The following HS2ST1 variants were observed in gnomAD, a reference collection of about 807,000 sequenced individuals.
HS2ST1 encodes 2-O-sulfotransferase.
In HS2ST1, 18 loss-of-function variants were observed where a neutral mutation model predicts 42.9. The ratio of observed to expected loss-of-function variants is 0.42; its 90% confidence interval spans 0.29 to 0.62. HS2ST1 has a LOEUF of 0.62. Among genes scored for constraint, HS2ST1 ranks in the 20% least tolerant of loss-of-function variants. HS2ST1 has a pLI of 0.21. For synonymous variants in HS2ST1, 146 were observed against 152.9 expected, an observed-to-expected ratio of 0.95 and a Z score of 0.33; for missense variants, 334 against 433.8, an observed-to-expected ratio of 0.77 and a Z score of 2.04.
intron 1 of HS2ST1, among the ~76,000 whole-genome samples, chr1:86,985,521 C>T (rs78570973): frequency 4.2e-5 from 3 of 71,350 alleles, no homozygotes; most frequent in African/African-American, 1.3e-4. Flanking sequence ...TATATATACA[C>T]ATATATATAC....
chr1:87,048,683 G>A (rs1650757693), intron 1 of HS2ST1, among the ~76,000 whole-genome samples: 1 of 131,286 alleles, frequency 7.6e-6, no homozygotes, highest in African/African-American at 2.5e-5. Context: ...GTCCCAGTTT[G>A]CTGAGATTTT....
At chr1:87,034,675 A>G (rs1257900225) in intron 1 of HS2ST1, among the ~76,000 whole-genome samples, 1 of 152,192 alleles carries the variant, frequency 6.6e-6, no homozygotes, top group Non-Finnish European at 1.5e-5. Context: ...TGTAAAGTAT[A>G]TGTACGAAGC....
At chr1:86,928,101 C>CT (rs1465740041) in intron 1 of HS2ST1, among the ~76,000 whole-genome samples, 1 of 152,010 alleles carries the variant, frequency 6.6e-6, no homozygotes, top group African/African-American at 2.4e-5. Flanking sequence ...TAAAATCTTG[C>CT]TGCAAACCTG....
chr1:86,944,581 C>G (rs1042684106), intron 1 of HS2ST1, among the ~76,000 whole-genome samples: 2 of 152,122 alleles, frequency 1.3e-5, no homozygotes, highest in African/African-American at 4.8e-5. Flanking sequence ...TCTCGAACTC[C>G]TGACCTCAAG....
At chr1:86,958,769 G>A (rs948217066) in intron 1 of HS2ST1, among the ~76,000 whole-genome samples, 5 of 152,088 alleles carry the variant, frequency 3.3e-5, no homozygotes, top group African/African-American at 1.2e-4. Context: ...TAATACCGAA[G>A]ACCATACAAG....
At chr1:87,015,468 C>CT (rs1649726671) in intron 1 of HS2ST1, among the ~76,000 whole-genome samples, 1 of 151,892 alleles carries the variant, frequency 6.6e-6, no homozygotes, top group Non-Finnish European at 1.5e-5. Flanking sequence ...CTGCCTCAGC[C>CT]TCCTAGTAGC....
chr1:87,041,193 A>G (rs1039940937), intron 1 of HS2ST1, among the ~76,000 whole-genome samples: 1 of 149,178 alleles, frequency 6.7e-6, no homozygotes, highest in African/African-American at 2.5e-5. Context: ...AAGCAATACA[A>G]TCTGGGAAAA....
At chr1:86,961,370 A>AATATTGTTTGAATAAGAAT (rs557969249) in intron 1 of HS2ST1, among the ~76,000 whole-genome samples, 9 of 152,190 alleles carry the variant, frequency 5.9e-5, no homozygotes, top group Non-Finnish European at 1.3e-4. Flanking sequence ...TATATTGTTT[A>AATATTGTTTGAATAAGAAT]ATATTGTTTG....
intron 1 of HS2ST1, among the ~76,000 whole-genome samples, chr1:86,966,525 T>C (rs1369701341): frequency 6.6e-6 from 1 of 152,258 alleles, no homozygotes; most frequent in East Asian, 1.9e-4. Context: ...TATTATTTCT[T>C]AGTTGGATTA....
chr1:86,973,066 T>C (rs1054227625), intron 1 of HS2ST1, among the ~76,000 whole-genome samples: 2 of 152,210 alleles, frequency 1.3e-5, no homozygotes, highest in African/African-American at 4.8e-5. Context: ...CTTGATCACT[T>C]GTTAAGGTGG....
intron 1 of HS2ST1, among the ~76,000 whole-genome samples, chr1:86,976,530 TA>T (rs140685170): frequency 0.014 from 2,152 of 151,874 alleles, 33 homozygotes; most frequent in Middle Eastern, 0.031. Context: ...ACAGGCAAGA[TA>T]AAGCTAAAAC....
chr1:86,984,621 G>A (rs1022403890), intron 1 of HS2ST1, among the ~76,000 whole-genome samples: 3 of 151,964 alleles, frequency 2.0e-5, no homozygotes, highest in African/African-American at 4.8e-5. Context: ...GCAGTGGTTC[G>A]CGCCTGTAAT....
At chr1:86,948,229 A>G (rs1557489892) in intron 1 of HS2ST1, among the ~76,000 whole-genome samples, 1 of 152,212 alleles carries the variant, frequency 6.6e-6, no homozygotes, top group Admixed American at 6.5e-5. Flanking sequence ...TATAAGAAGT[A>G]TATTTTTTGA....
chr1:86,950,548 A>T (rs1199725), intron 1 of HS2ST1, among the ~76,000 whole-genome samples: 36,232 of 152,076 alleles, frequency 0.24, 5,079 homozygotes, highest in African/African-American at 0.38. Context: ...TGTAATATGA[A>T]TATTAAATTT....
rs190797452 is a variant in HS2ST1, at chr1:87,012,109, C to G, written c.125-60825C>G. ...AATGTCCACTAATGCTTAAGGTGTT[C>G]TACTTTTTTTTCCTTCATTTTACGG... On this transcript the variant is annotated intron_variant, in intron 1 of 6. Coordinates refer to ENST00000370550, the MANE Select transcript of HS2ST1 (RefSeq NM_012262.4). 4.6e-5 allele frequency among the ~76,000 whole-genome samples: 7 copies of G among 152,228 alleles called. No homozygotes were observed. In the East Asian group the frequency reaches 1.4e-3, roughly 29 times the overall value.
chr1:86,922,419 TTGTGTGTG>T (rs150775849), intron 1 of HS2ST1, among the ~76,000 whole-genome samples: 6 of 147,740 alleles, frequency 4.1e-5, no homozygotes, highest in Non-Finnish European at 6.0e-5. Flanking sequence ...GTTCTTCATT[TTGTGTGTG>T]TGTGTGTGTG....
chr1:86,938,530 ACT>A (rs1163063283), intron 1 of HS2ST1, among the ~76,000 whole-genome samples: 1 of 151,576 alleles, frequency 6.6e-6, no homozygotes, highest in South Asian at 2.1e-4. Context: ...TTTGGCTAGG[ACT>A]CTCTACATAA....
intron 1 of HS2ST1, among the ~76,000 whole-genome samples, chr1:86,948,359 G>A (rs2102183226): frequency 6.6e-6 from 1 of 152,304 alleles, no homozygotes. Flanking sequence ...CATAATCATA[G>A]TGTACAGCAG....
At chr1:87,030,649 A>C (rs1650212196) in intron 1 of HS2ST1, among the ~76,000 whole-genome samples, 1 of 152,188 alleles carries the variant, frequency 6.6e-6, no homozygotes, top group Non-Finnish European at 1.5e-5. Flanking sequence ...CTAAGTAACA[A>C]AGAAATTTAT....
Sources: allele counts gnomAD v4.1 joint callset (sites outside exome capture counted in the v4.1 genomes callset), GRCh38; gene constraint gnomAD v4.1.1; transcripts MANE v1.5; gene names NCBI Gene and HGNC (gene_info 2026-07-23, HGNC 2026-07-21).